The following PRKG1 variants were observed in gnomAD, a reference collection of about 807,000 sequenced individuals.
PRKG1 encodes the protein protein kinase cGMP-dependent 1.
Under a neutral mutation model 88.1 loss-of-function variants are expected in PRKG1, and 35 were observed. The observed-to-expected ratio is 0.40, with a 90% CI of 0.30 to 0.53. PRKG1 has a LOEUF of 0.53. Ranked by LOEUF, PRKG1 falls within the 20% of genes least tolerant of loss-of-function variation. The probability of loss-of-function intolerance (pLI) is 0.59; values close to 1 mark genes in which losing one functional copy is unlikely to be tolerated. For missense variants in PRKG1, 540 were observed against 839.8 expected (o/e 0.64, Z 4.41); for synonymous variants, 303 against 292.5 (o/e 1.04, Z -0.37).
At chr10:51,977,253 G>A (rs573079691) in intron 5 of PRKG1, among the ~76,000 whole-genome samples, 2 of 152,126 alleles carry the variant, frequency 1.3e-5, no homozygotes, top group Admixed American at 6.5e-5. Flanking sequence ...AGTTTGCTAA[G>A]AATAATGGCC....
intron 9 of PRKG1, 68 bp downstream of exon 9, chr10:52,162,031 G>A: frequency 7.1e-7 from 1 of 1,409,076 alleles, no homozygotes; most frequent in South Asian, 1.2e-5. Context: ...CAAATATTTT[G>A]TTGGACTTGA....
intron 5 of PRKG1, among the ~76,000 whole-genome samples, chr10:52,004,951 T>C (rs914548699): frequency 6.6e-6 from 1 of 152,030 alleles, no homozygotes. Context: ...AAAAGAAATA[T>C]GATTTTTTAA....
At chr10:52,027,290 C>A (rs767874193) in intron 5 of PRKG1, among the ~76,000 whole-genome samples, 5 of 152,090 alleles carry the variant, frequency 3.3e-5, no homozygotes, top group African/African-American at 1.2e-4. Context: ...AAACTCAGTT[C>A]AGAGGGTCGT....
chr10:52,100,286 C>T (rs935499375), intron 7 of PRKG1, among the ~76,000 whole-genome samples: 1 of 152,146 alleles, frequency 6.6e-6, no homozygotes, highest in Non-Finnish European at 1.5e-5. Flanking sequence ...TCTAGGGAAG[C>T]GTTAAGACAA....
At chr10:52,163,408 T>C (rs1326638123) in intron 9 of PRKG1, among the ~76,000 whole-genome samples, 9 of 151,024 alleles carry the variant, frequency 6.0e-5, no homozygotes, top group Admixed American at 4.6e-4. Flanking sequence ...ATAAAAGATA[T>C]AGAACAACTG....
intron 2 of PRKG1, among the ~76,000 whole-genome samples, chr10:51,341,998 A>G (rs927586410): frequency 2.6e-5 from 4 of 152,148 alleles, no homozygotes; most frequent in Non-Finnish European, 5.9e-5. Context: ...CCCTTTATAC[A>G]TAGGGATTAT....
At chr10:51,358,338 G>T (rs987780802) in intron 2 of PRKG1, among the ~76,000 whole-genome samples, 1 of 151,844 alleles carries the variant, frequency 6.6e-6, no homozygotes, top group East Asian at 1.9e-4. Flanking sequence ...TATGACTTTT[G>T]CCATATTCTA....
chr10:51,516,890 A>T (rs1205893988), intron 3 of PRKG1, among the ~76,000 whole-genome samples: 1 of 152,238 alleles, frequency 6.6e-6, no homozygotes, highest in Admixed American at 6.5e-5. Context: ...ATAAACAAAT[A>T]TACAAAAATA....
chr10:51,310,171 C>T (rs1002464721), intron 2 of PRKG1, among the ~76,000 whole-genome samples: 1 of 152,094 alleles, frequency 6.6e-6, no homozygotes, highest in Non-Finnish European at 1.5e-5. Context: ...GATGGCTACT[C>T]TATAAGGCCA....
intron 9 of PRKG1, among the ~76,000 whole-genome samples, chr10:52,212,646 AAG>A (rs1204342387): frequency 1.3e-5 from 2 of 151,988 alleles, no homozygotes; most frequent in Non-Finnish European, 2.9e-5. Context: ...ATTAAAAAAA[AAG>A]AGAAATACTA....
intron 1 of PRKG1, among the ~76,000 whole-genome samples, chr10:51,005,439 A>C (rs915254423): frequency 9.9e-5 from 15 of 152,210 alleles, no homozygotes; most frequent in Non-Finnish European, 2.1e-4. Flanking sequence ...CAAATCAAGC[A>C]AATATCAAGA....
intron 5 of PRKG1, among the ~76,000 whole-genome samples, chr10:51,925,806 G>T (rs1589426787): frequency 6.6e-6 from 1 of 152,054 alleles, no homozygotes; most frequent in Admixed American, 6.6e-5. Context: ...GCAGCAGTTT[G>T]CTCTGTGACT....
At chr10:51,657,461 A>T (rs536485487) in intron 3 of PRKG1, among the ~76,000 whole-genome samples, 1 of 152,294 alleles carries the variant, frequency 6.6e-6, no homozygotes, top group South Asian at 2.1e-4. Flanking sequence ...GTGGAAGATT[A>T]TGAAAATAAA....
intron 1 of PRKG1, among the ~76,000 whole-genome samples, chr10:51,047,136 G>A (rs1843499840): frequency 1.3e-5 from 2 of 152,196 alleles, no homozygotes; most frequent in Admixed American, 6.5e-5. Flanking sequence ...TCACTTATTG[G>A]TCTTTTAGCT....
chr10:52,283,069 T>TA (rs917914579), intron 14 of PRKG1, among the ~76,000 whole-genome samples: 40 of 151,990 alleles, frequency 2.6e-4, no homozygotes, highest in African/African-American at 7.2e-4. Context: ...AAGGTTCATG[T>TA]AAAAAAAACA....
rs373533650 is a variant in PRKG1, at chr10:51,806,975, T to G, written c.698+2285T>G. 7.2e-5 allele frequency among the ~76,000 whole-genome samples: 11 copies of G among 152,300 alleles called. 1 individual carries two copies. In the East Asian group the frequency reaches 7.7e-4, roughly 11 times the overall value. On this transcript the variant is annotated intron_variant, in intron 4 of 17. Transcript: ENST00000373980. ...AGCTGCCTTTCCATGTATACTTACCTCATTACACTGAGAAGTCACGTCTTT... is the reference window on the plus strand; with the variant it reads ...AGCTGCCTTTCCATGTATACTTACCGCATTACACTGAGAAGTCACGTCTTT...
intron 3 of PRKG1, among the ~76,000 whole-genome samples, chr10:51,678,562 G>T (rs572830202): frequency 2.6e-4 from 39 of 152,290 alleles, no homozygotes; most frequent in African/African-American, 8.7e-4. Flanking sequence ...ATAGAGCCTG[G>T]TGGTGTTTGG....
chr10:51,071,180 T>C (rs1346318229), upstream of PRKG1, among the ~76,000 whole-genome samples: 1 of 152,250 alleles, frequency 6.6e-6, no homozygotes, highest in Non-Finnish European at 1.5e-5. Flanking sequence ...ACATAGGGTT[T>C]ATTTCCAGCA....
intron 3 of PRKG1, among the ~76,000 whole-genome samples, chr10:51,580,248 A>G (rs1465834357): frequency 6.6e-6 from 1 of 152,098 alleles, no homozygotes; most frequent in Non-Finnish European, 1.5e-5. Flanking sequence ...GTTCTATTTC[A>G]TAGTCTATTG....
Sources: allele counts gnomAD v4.1 joint callset (sites outside exome capture counted in the v4.1 genomes callset), GRCh38; gene constraint gnomAD v4.1.1; transcripts MANE v1.5; gene names NCBI Gene and HGNC (gene_info 2026-07-23, HGNC 2026-07-21).